The following OVCH2 variants were observed in gnomAD, a reference collection of about 807,000 sequenced individuals.
OVCH2 encodes the protein ovochymase-2.
OVCH2 carries 88 observed loss-of-function variants against 73.7 expected under a neutral mutation model. That is an observed-to-expected ratio of 1.19 (90% CI 1.01 to 1.43). OVCH2 has a LOEUF of 1.43. Ranked by LOEUF, OVCH2 falls within the 40% of genes most tolerant of loss-of-function variation. OVCH2 has a pLI of 0.00. For synonymous variants in OVCH2, 265 were observed against 234.5 expected, an observed-to-expected ratio of 1.13 and a Z score of -1.19; for missense variants, 706 against 674.5, an observed-to-expected ratio of 1.05 and a Z score of -0.52.
downstream of OVCH2, among the ~76,000 whole-genome samples, chr11:7,687,228 G>A (rs1489400207): frequency 6.6e-6 from 1 of 151,678 alleles, no homozygotes; most frequent in African/African-American, 2.4e-5. Context: ...TAGCTTAAAA[G>A]GTATGTGATA....
chr11:7,681,725 C>G, the OVCH2 span, among the ~76,000 whole-genome samples: 1 of 151,224 alleles, frequency 6.6e-6, no homozygotes, highest in South Asian at 2.1e-4. Context: ...GCTGTGGAGA[C>G]AACCAGGAGT....
rs1856411329 is a variant in OVCH2, at chr11:7,700,321, G to T, written c.876C>A (p.Pro292=). Reference sequence around the variant, plus strand: ...CAGTTTGGATGTGTTCGTGGATCCAGGGAAGCACTTTACTAATGTCTGTGA... The same window carrying T: ...CAGTTTGGATGTGTTCGTGGATCCATGGAAGCACTTTACTAATGTCTGTGA... ...GIFTDISKVL[P]WIHEHIQTGN... Residue 292 remains proline, a synonymous_variant, in exon 7 of 16, where the codon CCC becomes CCA. Transcript: ENST00000533663. The T allele has an allele frequency of 6.2e-7, 1 of 1,613,714 alleles. No homozygotes were observed. Among genetic ancestry groups the T allele is most frequent in the Non-Finnish European group, 8.5e-7 (1 of 1,179,830 alleles).
In OVCH2 at chr11:7,704,546, A is replaced by G. The variant is rs1349986787; in HGVS notation, c.198+19T>C. On this transcript the variant is annotated intron_variant, in intron 2 of 15. Transcript: ENST00000533663. ...ATATCTAGCACAGTTCTTGATGCAT[A>G]GAAGTCCTTGAGACTCACCTGCCAG... is the stretch of plus-strand genomic sequence containing the variant. The G allele has an allele frequency of 1.3e-6, 2 of 1,518,240 alleles. No homozygotes were observed. 94.0% of individuals were successfully genotyped at this position (1,518,240 alleles called of 1,614,324 possible).
chr11:7,687,229 G>A (rs771710790), downstream of OVCH2, among the ~76,000 whole-genome samples: 5 of 151,960 alleles, frequency 3.3e-5, no homozygotes, highest in Middle Eastern at 3.4e-3. Flanking sequence ...AGCTTAAAAG[G>A]TATGTGATAT....
intron 10 of OVCH2, among the ~76,000 whole-genome samples, chr11:7,695,946 G>C (rs1426353510): frequency 6.6e-6 from 1 of 152,144 alleles, no homozygotes; most frequent in African/African-American, 2.4e-5. Flanking sequence ...TCCTGCCCTT[G>C]TGACAACTGA....
chr11:7,681,775 A>G, the OVCH2 span, among the ~76,000 whole-genome samples: 1 of 151,304 alleles, frequency 6.6e-6, no homozygotes, highest in Admixed American at 6.6e-5. Flanking sequence ...ACCTGCATGG[A>G]CAAGCCTGGG....
At chr11:7,704,913 G>A (rs1856505633) in intron 1 of OVCH2, among the ~76,000 whole-genome samples, 1 of 152,146 alleles carries the variant, frequency 6.6e-6, no homozygotes, top group Non-Finnish European at 1.5e-5. Flanking sequence ...ATAGAGGTTT[G>A]CTAGGTAATA....
At chr11:7,695,826 C>T in intron 10 of OVCH2, 116 bp from the exon 11 acceptor site, 1 of 1,367,396 alleles carries the variant, frequency 7.3e-7, no homozygotes, top group Non-Finnish European at 1.0e-6. Context: ...TCCAAAGTTT[C>T]TCAGTCTTGT....
In OVCH2 at chr11:7,700,442, GC is replaced by G. The variant is rs1490222110; in HGVS notation, c.754del (p.Ala252ProfsTer7). The G allele has an allele frequency of 6.2e-7, 1 of 1,611,164 alleles. No homozygotes were observed. The highest frequency in any genetic ancestry group is 1.3e-5 in the African/African-American group (1 of 74,868). The part of the protein sequence containing the change: ...GSLMCRNKKG[A>X]WTLAGVTSWG... The stretch of plus-strand genomic sequence containing the variant: ...GGAAGTCACACCAGCCAGAGTCCAG[GC>G]CCCTTTCTTATTCCGGCACATGAGT... On this transcript the variant is annotated frameshift_variant, in exon 7 of 16. Transcript: ENST00000533663. LOFTEE classifies it high-confidence loss of function.
intron 7 of OVCH2, chr11:7,699,105 G>A (rs1856388353): frequency 9.8e-6 from 2 of 205,052 alleles, no homozygotes; most frequent in Non-Finnish European, 9.8e-6. Context: ...GGGTTAAATA[G>A]GTCAAACTTT....
At chr11:7,687,339 A>AATAATAATAATG (rs1471239712), downstream of OVCH2, among the ~76,000 whole-genome samples, 54 of 147,986 alleles carry the variant, frequency 3.6e-4, no homozygotes, top group African/African-American at 1.3e-3. Context: ...TAATAATAAT[A>AATAATAATAATG]ATAAAGCCTA....
Position 7,695,616 on chromosome 11 carries a change from A to C in OVCH2, c.1236T>G (p.Ala412=). 3.7e-6 allele frequency: 6 copies of C among 1,613,186 alleles called. No individual in the cohort carries two copies. The South Asian group carries it at 5.5e-5, about 15-fold the overall frequency. The change falls in exon 11 of 16, where the codon GCT becomes GCG. Residue 412 remains alanine, a synonymous_variant. Transcript: ENST00000533663. Reference sequence around the variant, plus strand: ...GAGCTTTATAGGTAAGATTAAACCCAGCTGCATTATCTGTGGCATCAGAGA... The same window carrying C: ...GAGCTTTATAGGTAAGATTAAACCCCGCTGCATTATCTGTGGCATCAGAGA... ...KFVSDATDNA[A]GFNLTYKALK... is the part of the protein sequence containing the mutation.
downstream of OVCH2, among the ~76,000 whole-genome samples, chr11:7,687,915 A>T (rs1474209855): frequency 2.0e-5 from 3 of 152,066 alleles, no homozygotes; most frequent in Non-Finnish European, 2.9e-5. Context: ...AGAGGAAGCA[A>T]GCTCTTGTGC....
chr11:7,691,330 T>C lies in OVCH2; in HGVS notation c.1578A>G (p.Gln526=), dbSNP rs4519083. The change falls in exon 14 of 16, where the codon CAA becomes CAG. Residue 526 remains glutamine, a synonymous_variant. Transcript: ENST00000533663. ...CCCTGCAGGTCCCGTTTTCATCTGA[T>C]TGGAAGCTGATGAGCATGATGCTGG... The part of the protein sequence containing the change: ...SPSSIMLISF[Q]SDENGTCRGF... 1.2e-6 allele frequency: 2 copies of C among 1,613,604 alleles called. No individual in the cohort carries two copies. Among genetic ancestry groups the C allele is most frequent in the East Asian group, 2.2e-5 (1 of 44,856 alleles).
In OVCH2 at chr11:7,701,390, CT is replaced by C; in HGVS notation, c.644del (p.Lys215ArgfsTer44). On this transcript the variant is annotated frameshift_variant, in exon 6 of 16. Transcript: ENST00000533663. LOFTEE classifies it high-confidence loss of function. ...GAAAGGTCTTCCCACTGATGGGCCTCTTTAGTGTTAACAGAGCTGCCACACA... is the reference window on the plus strand; with the variant it reads ...GAAAGGTCTTCCCACTGATGGGCCTCTTAGTGTTAACAGAGCTGCCACACA... ...EECVAALLTL[K>X]RPISGKTFLC... 6.2e-7 allele frequency: 1 copy of C among 1,613,240 alleles called. No homozygotes were observed. The highest frequency in any genetic ancestry group is 8.5e-7 in the Non-Finnish European group (1 of 1,179,648).
chr11:7,702,717 G>A (rs931740142), intron 3 of OVCH2, among the ~76,000 whole-genome samples: 2 of 152,174 alleles, frequency 1.3e-5, no homozygotes, highest in Admixed American at 1.3e-4. Flanking sequence ...GTGATTCCCA[G>A]TAAGTATGCT....
chr11:7,698,367 A>G (rs1184905038), intron 8 of OVCH2, among the ~76,000 whole-genome samples: 1 of 152,250 alleles, frequency 6.6e-6, no homozygotes, highest in Non-Finnish European at 1.5e-5. Context: ...AGGCTCGCCC[A>G]AAGTCACAGA....
At chr11:7,704,398 C>T (rs1856496164) in intron 2 of OVCH2, among the ~76,000 whole-genome samples, 167 bp downstream of exon 2, 2 of 152,164 alleles carry the variant, frequency 1.3e-5, no homozygotes, top group African/African-American at 4.8e-5. Flanking sequence ...TTACTATGTA[C>T]AAGTAAATAC....
intron 14 of OVCH2, 168 bp downstream of exon 14, chr11:7,691,101 G>C: frequency 1.2e-6 from 1 of 814,864 alleles, no homozygotes; most frequent in South Asian, 1.9e-5. Context: ...CATTTCCTAG[G>C]AGGGATGGCT....
Sources: allele counts gnomAD v4.1 joint callset (sites outside exome capture counted in the v4.1 genomes callset), GRCh38; gene constraint gnomAD v4.1.1; transcripts MANE v1.5; gene names NCBI Gene and HGNC (gene_info 2026-07-23, HGNC 2026-07-21).